Variants in SLC13A1 observed in about 807,000 individuals in gnomAD.
SLC13A1 encodes solute carrier family 13 member 1, also known as Na(+)/sulfate cotransporter.
SLC13A1 carries 65 observed loss-of-function variants against 70.0 expected under a neutral mutation model. That is an observed-to-expected ratio of 0.93 (90% CI 0.76 to 1.14). SLC13A1 has a LOEUF of 1.14. Among genes scored for constraint, SLC13A1 ranks in the 50% most tolerant of loss-of-function variants. The probability of loss-of-function intolerance (pLI) is 0.00; values close to 1 mark genes in which losing one functional copy is unlikely to be tolerated. For missense variants in SLC13A1, 726 were observed against 717.8 expected (o/e 1.01, Z -0.13); for synonymous variants, 275 against 250.5 (o/e 1.10, Z -0.92).
At chr7:123,150,320 C>T (rs909900586) in intron 6 of SLC13A1, among the ~76,000 whole-genome samples, 5 of 152,100 alleles carry the variant, frequency 3.3e-5, no homozygotes, top group African/African-American at 1.2e-4. Flanking sequence ...CTTGCATTTG[C>T]CCCATCTTCC....
intron 1 of SLC13A1, among the ~76,000 whole-genome samples, chr7:123,190,257 C>T (rs747340049): frequency 2.0e-5 from 3 of 152,088 alleles, no homozygotes; most frequent in East Asian, 1.9e-4. Flanking sequence ...CTACATGTCA[C>T]GTAGCAGTAT....
intron 1 of SLC13A1, among the ~76,000 whole-genome samples, chr7:123,188,669 T>C (rs1337032754): frequency 6.6e-6 from 1 of 152,176 alleles, no homozygotes; most frequent in Non-Finnish European, 1.5e-5. Flanking sequence ...ATATTATTTC[T>C]CTATAAACTA....
chr7:123,125,751 A>G, intron 10 of SLC13A1, 76 bp from the exon 11 acceptor site: 2 of 989,790 alleles, frequency 2.0e-6, no homozygotes, highest in Non-Finnish European at 3.2e-6. Flanking sequence ...TTTTGCTAAT[A>G]ACATATCAGT....
At chr7:123,123,812 T>C (rs1237003746) in intron 11 of SLC13A1, among the ~76,000 whole-genome samples, 2 of 152,204 alleles carry the variant, frequency 1.3e-5, no homozygotes, top group Non-Finnish European at 2.9e-5. Context: ...AGGATTATCA[T>C]AAAGATTTCT....
At chr7:123,141,076 T>C (rs546819102) in intron 7 of SLC13A1, among the ~76,000 whole-genome samples, 1 of 152,190 alleles carries the variant, frequency 6.6e-6, no homozygotes, top group South Asian at 2.1e-4. Flanking sequence ...GTACTGTTTT[T>C]TGCTGTATTC....
intron 12 of SLC13A1, 96 bp downstream of exon 12, chr7:123,123,030 A>G (rs983271687): frequency 8.2e-6 from 8 of 970,362 alleles, no homozygotes; most frequent in Admixed American, 7.2e-5. Flanking sequence ...TTAAAATGAC[A>G]GAGTGAAATT....
chr7:123,139,812 G>A (rs1362297818), intron 7 of SLC13A1, among the ~76,000 whole-genome samples: 1 of 151,928 alleles, frequency 6.6e-6, no homozygotes, highest in Non-Finnish European at 1.5e-5. Flanking sequence ...CAGTTTTTTG[G>A]TGGAGTCTTT....
At chr7:123,132,314 TAGGCATGGAACCCATGGCCAC>T (rs369765167) in intron 8 of SLC13A1, among the ~76,000 whole-genome samples, 137 of 152,326 alleles carry the variant, frequency 9.0e-4, no homozygotes, top group African/African-American at 3.1e-3. Flanking sequence ...CTCGTATTAC[TAGGCATGGAACCCATGGCCAC>T]AGGCATGGAA....
intron 6 of SLC13A1, among the ~76,000 whole-genome samples, chr7:123,155,030 G>A (rs1337238827): frequency 6.6e-6 from 1 of 151,994 alleles, no homozygotes; most frequent in East Asian, 1.9e-4. Context: ...TTGATCCTTT[G>A]TAAGGAATTA....
At chr7:123,119,995 A>G (rs1793319846) in intron 12 of SLC13A1, among the ~76,000 whole-genome samples, 1 of 152,130 alleles carries the variant, frequency 6.6e-6, no homozygotes, top group African/African-American at 2.4e-5. Context: ...TCACTAATTC[A>G]TCTGAAATTA....
intron 11 of SLC13A1, among the ~76,000 whole-genome samples, chr7:123,124,708 T>C (rs533920064): frequency 6.6e-6 from 1 of 152,080 alleles, no homozygotes; most frequent in Middle Eastern, 3.4e-3. Context: ...TGTGTGTGTG[T>C]TGAGAGGATG....
intron 2 of SLC13A1, among the ~76,000 whole-genome samples, chr7:123,172,304 T>C (rs948059755): frequency 2.0e-5 from 3 of 152,180 alleles, no homozygotes; most frequent in Non-Finnish European, 4.4e-5. Flanking sequence ...CCTTTATATA[T>C]TGAATGATTT....
In SLC13A1 at chr7:123,181,071, CCA is replaced by C; in HGVS notation, c.128_129del (p.Val43GlyfsTer20). 6.2e-7 allele frequency: 1 copy of C among 1,612,646 alleles called. No homozygotes were observed. Among genetic ancestry groups the C allele is most frequent in the Non-Finnish European group, 8.5e-7 (1 of 1,179,054 alleles). The part of the protein sequence containing the change: ...KEAECAYTLF[V>X]VATFWLTEAL... The stretch of plus-strand genomic sequence containing the variant: ...GCTTCTGTGAGCCAAAATGTGGCGA[CCA>C]CAAAGAGTGTGTAGGCACATTCTGC... On this transcript the variant is annotated frameshift_variant, in exon 2 of 15. Coordinates refer to ENST00000194130, the MANE Select transcript of SLC13A1 (RefSeq NM_022444.4). LOFTEE classifies it high-confidence loss of function.
chr7:123,188,932 G>T (rs528676400), intron 1 of SLC13A1, among the ~76,000 whole-genome samples: 1 of 151,132 alleles, frequency 6.6e-6, no homozygotes, highest in African/African-American at 2.4e-5. Flanking sequence ...CGGCTAAAAC[G>T]GTGAAACCCC....
At chr7:123,176,362 T>C (rs1795446178) in intron 2 of SLC13A1, among the ~76,000 whole-genome samples, 1 of 152,202 alleles carries the variant, frequency 6.6e-6, no homozygotes, top group Non-Finnish European at 1.5e-5. Flanking sequence ...CACTGATAAA[T>C]ATAACTATTC....
chr7:123,134,498 CA>C lies in SLC13A1; in HGVS notation c.843del (p.Phe281LeufsTer28). The stretch of plus-strand genomic sequence containing the variant: ...GGGAAGGAAAACGTAAACCATGATC[CA>C]AAGTTGAGGCAACGACAGTCAGGAT... Reference protein sequence around the residue: ...TRYPDCRCLNFGSWFTFSFPA... With the variant: ...TRYPDCRCLNXGSWFTFSFPA... On this transcript the variant is annotated frameshift_variant, in exon 8 of 15. Transcript: ENST00000194130. LOFTEE classifies it high-confidence loss of function. 1 of 1,613,186 alleles carries C rather than the reference CA, an allele frequency of 6.2e-7. No homozygotes were observed. Among genetic ancestry groups the C allele is most frequent in the Non-Finnish European group, 8.5e-7 (1 of 1,179,444 alleles).
chr7:123,183,333 C>T (rs1156653831), intron 1 of SLC13A1, among the ~76,000 whole-genome samples: 5 of 152,132 alleles, frequency 3.3e-5, no homozygotes, highest in Non-Finnish European at 7.4e-5. Flanking sequence ...CTTCTCTTAA[C>T]AAACTGAGAT....
At chr7:123,160,923 A>T (rs919337654) in intron 6 of SLC13A1, among the ~76,000 whole-genome samples, 1 of 152,092 alleles carries the variant, frequency 6.6e-6, no homozygotes. Context: ...GCAAATTCAT[A>T]TCCTTAAATC....
At chr7:123,166,112 T>G (rs1258239495) in intron 6 of SLC13A1, among the ~76,000 whole-genome samples, 1 of 151,996 alleles carries the variant, frequency 6.6e-6, no homozygotes, top group Non-Finnish European at 1.5e-5. Context: ...GTGCATGCCT[T>G]TGTTGTGGTA....
Sources: gnomAD v4.1 joint callset for allele counts (sites outside exome capture counted in the v4.1 genomes callset) on GRCh38, gnomAD v4.1.1 for gene constraint, MANE v1.5 for transcripts, NCBI Gene and HGNC (gene_info 2026-07-23, HGNC 2026-07-21) for gene names.